Variants in CDH13 observed in about 807,000 individuals in gnomAD.
CDH13 encodes cadherin 13.
Under a neutral mutation model 63.8 loss-of-function variants are expected in CDH13, and 24 were observed. The observed-to-expected ratio is 0.38, with a 90% confidence interval of 0.27 to 0.53. CDH13 has a LOEUF of 0.53. Ranked by LOEUF, CDH13 falls within the 20% of genes least tolerant of loss-of-function variation. CDH13 has a pLI of 0.85. For missense variants in CDH13, 1,049 were observed against 903.1 expected, an observed-to-expected ratio of 1.16 and a Z score of -2.07; for synonymous variants, 503 against 355.3, an observed-to-expected ratio of 1.42 and a Z score of -4.67.
At chr16:82,795,320 G>C (rs1159401343) in intron 1 of CDH13, among the ~76,000 whole-genome samples, 1 of 152,316 alleles carries the variant, frequency 6.6e-6, no homozygotes, top group African/African-American at 2.4e-5. Context: ...ACCTGTGTGA[G>C]TTAATACAGA....
At chr16:83,472,739 G>C (rs958255217) in intron 6 of CDH13, among the ~76,000 whole-genome samples, 1 of 152,208 alleles carries the variant, frequency 6.6e-6, no homozygotes, top group African/African-American at 2.4e-5. Flanking sequence ...AAATGAAACA[G>C]ATTATTCATA....
At chr16:83,438,708 T>C (rs2072394428) in intron 6 of CDH13, among the ~76,000 whole-genome samples, 1 of 152,248 alleles carries the variant, frequency 6.6e-6, no homozygotes, top group Non-Finnish European at 1.5e-5. Flanking sequence ...TTTTAAATAT[T>C]TTCTCCATTT....
rs568889262 is a variant in CDH13, at chr16:83,733,875, G to A, written c.1539-14233G>A. On this transcript the variant is annotated intron_variant, in intron 10 of 13. Coordinates refer to ENST00000567109, the MANE Select transcript of CDH13 (RefSeq NM_001257.5). ...TGGCGTAAGTGGACAAAAGTGGAAC[G>A]TGACCTGCAAGCAGCGCAGCCTGAG... Among the ~76,000 whole-genome samples the A allele has an allele frequency of 1.1e-4, 17 of 152,304 alleles. No individual in the cohort carries two copies. The South Asian group carries it at 1.2e-3, about 11-fold the overall frequency.
At chr16:82,748,312 C>T (rs1159463580) in intron 1 of CDH13, among the ~76,000 whole-genome samples, 2 of 152,196 alleles carry the variant, frequency 1.3e-5, no homozygotes, top group Non-Finnish European at 2.9e-5. Context: ...TTGCACATGG[C>T]AATTAATTTA....
intron 6 of CDH13, among the ~76,000 whole-genome samples, chr16:83,435,059 A>C (rs1196965514): frequency 7.0e-6 from 1 of 142,416 alleles, no homozygotes; most frequent in Non-Finnish European, 1.5e-5. Context: ...AGAGAGAGAT[A>C]TCGAGAGAGT....
chr16:82,636,455 C>G (rs541928125), intron 1 of CDH13, among the ~76,000 whole-genome samples: 3 of 152,290 alleles, frequency 2.0e-5, no homozygotes, highest in Admixed American at 6.5e-5. Context: ...GTACAATTAA[C>G]CAATCTCTGA....
intron 8 of CDH13, among the ~76,000 whole-genome samples, chr16:83,618,436 AAAAAG>A (rs932114931): frequency 3.3e-5 from 5 of 151,566 alleles, no homozygotes; most frequent in African/African-American, 1.2e-4. Context: ...AAAAAAAAAG[AAAAAG>A]AAAAGCACTA....
At chr16:82,926,384 T>C (rs1200985781) in intron 2 of CDH13, among the ~76,000 whole-genome samples, 2 of 152,220 alleles carry the variant, frequency 1.3e-5, no homozygotes, top group Non-Finnish European at 2.9e-5. Flanking sequence ...CCCCTGTGCC[T>C]GTTTTCCTGA....
intron 3 of CDH13, among the ~76,000 whole-genome samples, chr16:83,107,612 GC>G (rs1424061091): frequency 2.0e-5 from 3 of 152,080 alleles, no homozygotes; most frequent in African/African-American, 7.2e-5. Flanking sequence ...CCTCTTCAGT[GC>G]AATGAGCATT....
chr16:83,427,827 C>T (rs905464804), intron 6 of CDH13, among the ~76,000 whole-genome samples: 5 of 152,214 alleles, frequency 3.3e-5, no homozygotes, highest in Non-Finnish European at 5.9e-5. Flanking sequence ...ATGTGAGCTT[C>T]TGTTCCCCTA....
chr16:83,457,100 G>C (rs555426703), intron 6 of CDH13, among the ~76,000 whole-genome samples: 1 of 152,190 alleles, frequency 6.6e-6, no homozygotes. Flanking sequence ...GGAGGATGGA[G>C]TCCAAGCCAA....
At chr16:82,780,799 G>C (rs1158016327) in intron 1 of CDH13, among the ~76,000 whole-genome samples, 1 of 152,148 alleles carries the variant, frequency 6.6e-6, no homozygotes, top group Admixed American at 6.5e-5. Flanking sequence ...TGTTGTCTTG[G>C]AGGAAGAAAA....
chr16:83,055,187 G>C (rs1243999195), intron 3 of CDH13, among the ~76,000 whole-genome samples: 1 of 152,006 alleles, frequency 6.6e-6, no homozygotes, highest in East Asian at 1.9e-4. Context: ...AGATAAAGTA[G>C]AGGAAAGATT....
At chr16:82,972,211 C>G (rs1442985476) in intron 2 of CDH13, among the ~76,000 whole-genome samples, 3 of 152,058 alleles carry the variant, frequency 2.0e-5, no homozygotes, top group Non-Finnish European at 4.4e-5. Flanking sequence ...TGGAGGAAAA[C>G]AGTCCCTGAG....
chr16:82,653,720 C>T (rs1012211303), intron 1 of CDH13, among the ~76,000 whole-genome samples: 8 of 152,060 alleles, frequency 5.3e-5, no homozygotes, highest in East Asian at 3.9e-4. Context: ...ACCCTGGAGG[C>T]GCAGGAACTA....
intron 1 of CDH13, among the ~76,000 whole-genome samples, chr16:82,812,595 T>C (rs1472892486): frequency 6.6e-6 from 1 of 151,932 alleles, no homozygotes; most frequent in Non-Finnish European, 1.5e-5. Flanking sequence ...CTTCCCTGCA[T>C]CTAGTGACAC....
chr16:82,828,080 T>C, intron 1 of CDH13, among the ~76,000 whole-genome samples: 1 of 152,152 alleles, frequency 6.6e-6, no homozygotes, highest in Admixed American at 6.5e-5. Context: ...AAGCACTTTC[T>C]GGATGGGTTG....
In CDH13 at chr16:83,049,325, C is replaced by CTTTT. The variant is rs34082309; in HGVS notation, c.366+17125_366+17128dup. On this transcript the variant is annotated intron_variant, in intron 3 of 13. Transcript: ENST00000567109. ...ATACTTGGGCATTTATGACTGGCCTCTTTTTTTTTTTTTTTTTTTTTGAGA... is the reference window on the plus strand; with the variant it reads ...ATACTTGGGCATTTATGACTGGCCTCTTTTTTTTTTTTTTTTTTTTTTTTTGAGA... Among the ~76,000 whole-genome samples the CTTTT allele has an allele frequency of 1.3e-3, 159 of 126,072 alleles. 8 individuals are homozygous for CTTTT. Among genetic ancestry groups the CTTTT allele is most frequent in the African/African-American group, 4.8e-3 (157 of 32,720 alleles). The allele number at this position is 126,072 out of a possible 152,430, so 82.7% of individuals were successfully genotyped here. A position where few individuals can be genotyped will look rare whatever the true frequency, so the allele number is the denominator to read the frequency against.
chr16:83,073,822 A>G (rs1009047134), intron 3 of CDH13, among the ~76,000 whole-genome samples: 3 of 152,042 alleles, frequency 2.0e-5, no homozygotes, highest in Admixed American at 6.6e-5. Context: ...CAGCATAGCA[A>G]TTGTCTACCA....
Sources: allele counts gnomAD v4.1 joint callset (sites outside exome capture counted in the v4.1 genomes callset), GRCh38; gene constraint gnomAD v4.1.1; transcripts MANE v1.5; gene names NCBI Gene and HGNC (gene_info 2026-07-23, HGNC 2026-07-21).